The following TFG variants were observed in gnomAD, a reference collection of about 807,000 sequenced individuals.
TFG encodes trafficking from ER to golgi regulator.
In TFG, 22 loss-of-function variants were observed where a neutral mutation model predicts 51.4. That is an observed-to-expected ratio of 0.43 (90% CI 0.31 to 0.61). TFG has a LOEUF of 0.61. TFG is among the 20% of genes least tolerant of loss of function. The probability of loss-of-function intolerance (pLI) is 0.12; values close to 1 mark genes in which losing one functional copy is unlikely to be tolerated. For missense variants in TFG, 419 were observed against 487.7 expected (o/e 0.86, Z 1.33); for synonymous variants, 187 against 165.6 (o/e 1.13, Z -0.99).
In TFG at chr3:100,744,842, A is replaced by G. The variant is rs536673868; in HGVS notation, c.731A>G (p.Tyr244Cys). The G allele has an allele frequency of 2.5e-6, 4 of 1,612,866 alleles. No homozygotes were observed. Among genetic ancestry groups the G allele is most frequent in the Non-Finnish European group, 3.4e-6 (4 of 1,179,166 alleles). Reference sequence around the variant, plus strand: ...GTGTGTGTGTTTTCAGGTCAGATGTACCAACAGTACCAGCAACAGGCCGGC... The same window carrying G: ...GTGTGTGTGTTTTCAGGTCAGATGTGCCAACAGTACCAGCAACAGGCCGGC... Reference protein sequence around the residue: ...TQAGQIEGQMYQQYQQQAGYG... With the variant: ...TQAGQIEGQMCQQYQQQAGYG... Residue 244 changes from tyrosine (Y) to cysteine (C), a missense_variant, in exon 7 of 8, where the codon TAC becomes TGC. Physicochemically the swap from Tyr to Cys is radical, Grantham distance 194 (BLOSUM62 -2). Coordinates refer to ENST00000240851, the MANE Select transcript of TFG (RefSeq NM_006070.6).
In TFG at chr3:100,718,119, G is replaced by T. The variant is rs2095051221; in HGVS notation, c.185-1856G>T. Among the ~76,000 whole-genome samples the T allele has an allele frequency of 2.6e-5, 4 of 152,044 alleles. No homozygotes were observed. In the South Asian group the frequency reaches 8.3e-4, roughly 32 times the overall value. On this transcript the variant is annotated intron_variant, in intron 2 of 7. Coordinates refer to ENST00000240851, the MANE Select transcript of TFG (RefSeq NM_006070.6). ...ATTCTTAATGTTTATCAAAATGGGG[G>T]TCTCACTGTGTTGCCCAGGCTGGTC...
At chr3:100,716,006 A>C (rs1031724138) in intron 2 of TFG, among the ~76,000 whole-genome samples, 3 of 152,088 alleles carry the variant, frequency 2.0e-5, no homozygotes, top group Non-Finnish European at 2.9e-5. Context: ...ATTACATATA[A>C]TGGGATTAGA....
intron 7 of TFG, among the ~76,000 whole-genome samples, chr3:100,747,758 G>T (rs898433172): frequency 6.6e-6 from 1 of 152,106 alleles, no homozygotes; most frequent in Non-Finnish European, 1.5e-5. Context: ...ATATAAAAAT[G>T]TTCATTCTCC....
intron 5 of TFG, among the ~76,000 whole-genome samples, chr3:100,736,097 T>C (rs1382281035): frequency 1.3e-5 from 2 of 152,124 alleles, no homozygotes; most frequent in Non-Finnish European, 2.9e-5. Context: ...AAATATTAGC[T>C]ATGTTATGGG....
intron 6 of TFG, among the ~76,000 whole-genome samples, chr3:100,740,052 T>C (rs2095117090): frequency 6.6e-6 from 1 of 152,144 alleles, no homozygotes; most frequent in African/African-American, 2.4e-5. Context: ...CCTAACAAGG[T>C]TCACACTTTG....
chr3:100,732,509 T>TA lies in TFG; in HGVS notation c.418dup (p.Thr140AsnfsTer5). 1 of 1,603,012 alleles carries TA rather than the reference T, an allele frequency of 6.2e-7. No individual in the cohort carries two copies. The highest frequency in any genetic ancestry group is 8.5e-7 in the Non-Finnish European group (1 of 1,176,724). On this transcript the variant is annotated frameshift_variant and splice_region_variant, in exon 5 of 8. Coordinates refer to ENST00000240851, the MANE Select transcript of TFG (RefSeq NM_006070.6). LOFTEE classifies it high-confidence loss of function. The stretch of plus-strand genomic sequence containing the variant: ...TTGTTTATTCCTCTATTTTTACAGA[T>TA]ACTGTGGATGGTAGGGAAGAAAAGT...
chr3:100,715,933 T>A (rs77500037), intron 2 of TFG, among the ~76,000 whole-genome samples: 2,754 of 152,078 alleles, frequency 0.018, 78 homozygotes, highest in African/African-American at 0.062. Flanking sequence ...CTTTTTTTTT[T>A]AAATTTTGTT....
intron 2 of TFG, among the ~76,000 whole-genome samples, chr3:100,717,894 G>A (rs962028609): frequency 1.3e-5 from 2 of 151,892 alleles, no homozygotes; most frequent in Non-Finnish European, 2.9e-5. Context: ...AATTGCTCTG[G>A]CTAGTACTTG....
intron 6 of TFG, among the ~76,000 whole-genome samples, chr3:100,741,514 TAAAA>T (rs1225725934): frequency 1.3e-5 from 2 of 152,182 alleles, no homozygotes; most frequent in Non-Finnish European, 2.9e-5. Flanking sequence ...TTAAAAAAGT[TAAAA>T]AATCAAGTTT....
chr3:100,733,107 C>T (rs958134175), intron 5 of TFG, among the ~76,000 whole-genome samples: 1 of 152,126 alleles, frequency 6.6e-6, no homozygotes, highest in African/African-American at 2.4e-5. Flanking sequence ...CTTGAGTATA[C>T]AGTGGGTTTT....
intron 1 of TFG, among the ~76,000 whole-genome samples, chr3:100,713,409 C>T (rs2095036281): frequency 6.6e-6 from 1 of 152,008 alleles, no homozygotes; most frequent in Non-Finnish European, 1.5e-5. Flanking sequence ...TCTAAATGGT[C>T]ATGTCAGATG....
chr3:100,724,100 T>C (rs1486391559), intron 3 of TFG, among the ~76,000 whole-genome samples: 1 of 152,178 alleles, frequency 6.6e-6, no homozygotes, highest in East Asian at 1.9e-4. Flanking sequence ...TAGAGAATGC[T>C]AAAGCTGTAC....
intron 6 of TFG, among the ~76,000 whole-genome samples, chr3:100,738,720 G>A (rs2095113288): frequency 6.6e-6 from 1 of 152,060 alleles, no homozygotes; most frequent in Admixed American, 6.6e-5. Flanking sequence ...TATGAAAATT[G>A]TACAATTAAT....
chr3:100,721,469 C>T (rs777959308), intron 3 of TFG, among the ~76,000 whole-genome samples: 27 of 152,102 alleles, frequency 1.8e-4, no homozygotes, highest in Non-Finnish European at 2.1e-4. Flanking sequence ...AAAAGTCTAC[C>T]TTGATACAGG....
At chr3:100,734,987 G>T (rs562111811) in intron 5 of TFG, among the ~76,000 whole-genome samples, 9 of 151,946 alleles carry the variant, frequency 5.9e-5, no homozygotes, top group African/African-American at 2.2e-4. Flanking sequence ...TGGGAAGGAG[G>T]GATAAAATAT....
intron 5 of TFG, among the ~76,000 whole-genome samples, chr3:100,734,710 A>G (rs2095101849): frequency 6.6e-6 from 1 of 152,068 alleles, no homozygotes; most frequent in African/African-American, 2.4e-5. Context: ...TCCATTTTGT[A>G]TTTCTTAGAG....
At chr3:100,729,591 A>G (rs371617678) in intron 4 of TFG, among the ~76,000 whole-genome samples, 7 of 138,878 alleles carry the variant, frequency 5.0e-5, no homozygotes, top group African/African-American at 1.9e-4. Context: ...TCTTATTATT[A>G]TTTTTTTCTT....
intron 1 of TFG, among the ~76,000 whole-genome samples, 177 bp from the exon 2 acceptor site, chr3:100,713,466 T>G (rs1310947667): frequency 2.0e-5 from 3 of 152,230 alleles, no homozygotes; most frequent in Non-Finnish European, 4.4e-5. Context: ...AAATAAAAGC[T>G]TATTTTATTA....
chr3:100,721,403 G>T (rs756555265), intron 3 of TFG, among the ~76,000 whole-genome samples: 3 of 152,134 alleles, frequency 2.0e-5, no homozygotes, highest in African/African-American at 7.2e-5. Context: ...TCTACATGGT[G>T]TAGGCCCTTG....
Sources: allele counts gnomAD v4.1 joint callset (sites outside exome capture counted in the v4.1 genomes callset), GRCh38; gene constraint gnomAD v4.1.1; transcripts MANE v1.5; gene names NCBI Gene and HGNC (gene_info 2026-07-23, HGNC 2026-07-21).